The following LAMA2 variants were observed in gnomAD, a reference collection of about 807,000 sequenced individuals.
LAMA2 encodes laminin subunit alpha 2.
A neutral mutation model predicts 364.8 loss-of-function variants in LAMA2; 269 were observed. That is an observed-to-expected ratio of 0.74 (90% CI 0.67 to 0.82). The LOEUF is 0.82. Among genes scored for constraint, LAMA2 ranks in the 40% least tolerant of loss-of-function variants. The pLI is 0.00. For missense variants in LAMA2, 3,807 were observed against 3,873.2 expected, an observed-to-expected ratio of 0.98 and a Z score of 0.45; for synonymous variants, 1,379 against 1,370.6, an observed-to-expected ratio of 1.01 and a Z score of -0.14.
chr6:129,399,308 A>G (rs1779831207), intron 37 of LAMA2, among the ~76,000 whole-genome samples: 1 of 152,174 alleles, frequency 6.6e-6, no homozygotes, highest in Non-Finnish European at 1.5e-5. Context: ...GTTCTAAGCT[A>G]ATTCTTCTCC....
chr6:129,377,921 C>T (rs1015952697), intron 34 of LAMA2, among the ~76,000 whole-genome samples: 2 of 151,158 alleles, frequency 1.3e-5, no homozygotes, highest in Admixed American at 6.6e-5. Flanking sequence ...TGCATGCTGC[C>T]TAGACATAAA....
intron 27 of LAMA2, among the ~76,000 whole-genome samples, chr6:129,316,908 A>G (rs1419327314): frequency 1.3e-5 from 2 of 152,240 alleles, no homozygotes; most frequent in Non-Finnish European, 2.9e-5. Context: ...TTATGAGTGT[A>G]AACTATTATT....
At chr6:129,395,676 G>A (rs6920374) in intron 37 of LAMA2, among the ~76,000 whole-genome samples, 214 of 152,244 alleles carry the variant, frequency 1.4e-3, no homozygotes, top group African/African-American at 4.8e-3. Context: ...CACTCCATAC[G>A]CTACCATAAT....
intron 1 of LAMA2, chr6:128,930,118 C>T (rs1779370974): frequency 7.3e-6 from 2 of 273,144 alleles, no homozygotes; most frequent in South Asian, 1.6e-4. Context: ...GGCGGCGCCG[C>T]GCCCGGCAGC....
chr6:129,447,878 C>G (rs1039219620), intron 45 of LAMA2, among the ~76,000 whole-genome samples: 1 of 152,206 alleles, frequency 6.6e-6, no homozygotes, highest in South Asian at 2.1e-4. Flanking sequence ...GTGGAGAAAT[C>G]TAGACATTTT....
chr6:129,298,348 A>G lies in LAMA2; in HGVS notation c.3037+483A>G, dbSNP rs149649531. On this transcript the variant is annotated intron_variant, in intron 21 of 64. Transcript: ENST00000421865. ...TCTACTTTTGGCTGCCTTGAAAACT[A>G]TGATGTTCTAAGAGAGAAATAGGTT... Among the ~76,000 whole-genome samples the G allele has an allele frequency of 3.8e-3, 581 of 152,138 alleles. 2 individuals carry two copies. Among genetic ancestry groups the G allele is most frequent in the African/African-American group, 0.013 (542 of 41,522 alleles).
At chr6:129,144,920 A>G (rs1235843470) in intron 5 of LAMA2, among the ~76,000 whole-genome samples, 1 of 151,980 alleles carries the variant, frequency 6.6e-6, no homozygotes, top group African/African-American at 2.4e-5. Flanking sequence ...TATGAGTGAT[A>G]ACCGTGCTTC....
intron 1 of LAMA2, among the ~76,000 whole-genome samples, chr6:128,962,216 A>T (rs1299057509): frequency 7.1e-6 from 1 of 141,144 alleles, no homozygotes; most frequent in African/African-American, 2.6e-5. Flanking sequence ...ACACATATTT[A>T]TGACTTAACT....
intron 62 of LAMA2, among the ~76,000 whole-genome samples, chr6:129,511,866 G>C (rs1208009522): frequency 6.6e-6 from 1 of 152,054 alleles, no homozygotes; most frequent in East Asian, 1.9e-4. Context: ...AAAATGTGTG[G>C]CAACTTTTGA....
intron 3 of LAMA2, among the ~76,000 whole-genome samples, chr6:129,080,418 TAA>T (rs1306284875): frequency 6.6e-6 from 1 of 151,730 alleles, no homozygotes; most frequent in Non-Finnish European, 1.5e-5. Context: ...TCTTAGAATT[TAA>T]AACTCTAAAA....
Position 129,276,074 on chromosome 6 carries a change from C to T in LAMA2, c.2451-3987C>T, listed in dbSNP as rs779918299. Among the ~76,000 whole-genome samples the T allele has an allele frequency of 1.4e-4, 22 of 151,988 alleles. No homozygotes were observed. The East Asian group carries it at 1.7e-3, about 12-fold the overall frequency. On this transcript the variant is annotated intron_variant, in intron 17 of 64. Coordinates refer to ENST00000421865, the MANE Select transcript of LAMA2 (RefSeq NM_000426.4). ...ACTTAGAAACTTCAGAAATTTATGA[C>T]GCTAACACCAAAATCATGAAGTAAA...
intron 19 of LAMA2, among the ~76,000 whole-genome samples, chr6:129,290,748 C>T (rs1356148645): frequency 1.3e-5 from 2 of 152,074 alleles, no homozygotes; most frequent in African/African-American, 4.8e-5. Context: ...GTGAAAAGGT[C>T]ACTTAAGCTT....
intron 1 of LAMA2, among the ~76,000 whole-genome samples, chr6:128,961,322 T>G (rs1457978499): frequency 2.0e-3 from 46 of 22,822 alleles, no homozygotes; most frequent in African/African-American, 7.5e-3. Flanking sequence ...TAATATGATA[T>G]ATATATATAT....
Position 129,316,128 on chromosome 6 carries a change from A to G in LAMA2, c.4015A>G (p.Ile1339Val). 6.2e-7 allele frequency: 1 copy of G among 1,608,540 alleles called. No individual in the cohort carries two copies. Among genetic ancestry groups the G allele is most frequent in the Non-Finnish European group, 8.5e-7 (1 of 1,175,366 alleles). The change falls in exon 27 of 65, where the codon ATT becomes GTT. Residue 1339 changes from isoleucine to valine, a missense_variant. By Grantham distance (29) the Ile-to-Val change is conservative. Around this residue, in one of 3 missense-constraint regions of LAMA2, gnomAD observed 3,333 missense variants for 3,345.7 expected, o/e 1.00. Coordinates refer to ENST00000421865, the MANE Select transcript of LAMA2 (RefSeq NM_000426.4). ...GGATATACTATATGATATTCATTAC[A>G]TTCTTATCAAAGCTACTTATGGAAA... is the stretch of plus-strand genomic sequence containing the variant. ...FLDILYDIHY[I>V]LIKATYGNFM...
At chr6:129,170,621 G>GA (rs1312227049) in intron 9 of LAMA2, among the ~76,000 whole-genome samples, 1 of 150,126 alleles carries the variant, frequency 6.7e-6, no homozygotes, top group Non-Finnish European at 1.5e-5. Flanking sequence ...GTGTGGTGCT[G>GA]AAAAAAATGT....
chr6:129,213,466 A>G (rs1783229081), intron 12 of LAMA2, among the ~76,000 whole-genome samples: 1 of 152,188 alleles, frequency 6.6e-6, no homozygotes, highest in African/African-American at 2.4e-5. Flanking sequence ...ATCTTCCAAT[A>G]TGGTTGTATA....
intron 3 of LAMA2, among the ~76,000 whole-genome samples, chr6:129,065,835 C>T (rs62423271): frequency 0.074 from 11,293 of 151,822 alleles, 568 homozygotes; most frequent in Non-Finnish European, 0.11. Flanking sequence ...ATGCTGTTGT[C>T]GTGGTAGTGA....
At chr6:128,991,633 A>T (rs779467951) in intron 1 of LAMA2, among the ~76,000 whole-genome samples, 4 of 152,222 alleles carry the variant, frequency 2.6e-5, no homozygotes, top group Non-Finnish European at 4.4e-5. Flanking sequence ...ATTCTGTAAT[A>T]GTGGCTAACT....
intron 4 of LAMA2, among the ~76,000 whole-genome samples, chr6:129,114,778 C>T (rs1048048281): frequency 6.6e-6 from 1 of 151,996 alleles, no homozygotes; most frequent in Non-Finnish European, 1.5e-5. Flanking sequence ...CCTCCGTTTA[C>T]ATCACATAAA....
Sources: allele counts gnomAD v4.1 joint callset (sites outside exome capture counted in the v4.1 genomes callset), GRCh38; gene constraint gnomAD v4.1.1; regional missense constraint gnomAD v4.1.1; transcripts MANE v1.5; gene names NCBI Gene and HGNC (gene_info 2026-07-23, HGNC 2026-07-21).